PEX3: variants seen among roughly 807,000 people sequenced by gnomAD.
PEX3 encodes the protein peroxin-3.
Under a neutral mutation model 55.8 loss-of-function variants are expected in PEX3, and 30 were observed. That is an observed-to-expected ratio of 0.54 (90% CI 0.40 to 0.73). The LOEUF is 0.73. Ranked by LOEUF, PEX3 falls within the 30% of genes least tolerant of loss-of-function variation. The probability of loss-of-function intolerance (pLI) is 0.00; values close to 1 mark genes in which losing one functional copy is unlikely to be tolerated. For missense variants in PEX3, 351 were observed against 432.8 expected, an observed-to-expected ratio of 0.81 and a Z score of 1.68; for synonymous variants, 135 against 148.4, an observed-to-expected ratio of 0.91 and a Z score of 0.66.
At chr6:143,457,468 T>C (rs983433338) in intron 1 of PEX3, among the ~76,000 whole-genome samples, 1 of 152,228 alleles carries the variant, frequency 6.6e-6, no homozygotes, top group African/African-American at 2.4e-5. Context: ...TTTAAGAATA[T>C]GTAATATCTT....
chr6:143,472,208 A>G lies in PEX3; in HGVS notation c.627A>G (p.Leu209=), dbSNP rs764739386. The part of the protein sequence containing the change: ...SLSLLDLEQK[L]KEIRNLVEQH... ...CCCTTTTGGACTTGGAGCAAAAACT[A>G]AAAGAAATCAGAAATCTCGTTGAGC... The change falls in exon 8 of 12, where the codon CTA becomes CTG. Residue 209 remains leucine (L), a synonymous_variant. Coordinates refer to ENST00000367591, the MANE Select transcript of PEX3 (RefSeq NM_003630.3). 1.9e-5 allele frequency: 31 copies of G among 1,610,086 alleles called. No individual in the cohort carries two copies. The highest frequency in any genetic ancestry group is 2.6e-5 in the Non-Finnish European group (31 of 1,176,640).
rs2128746354 is a variant in PEX3, at chr6:143,468,185, G to A, written c.331+20G>A. The A allele has an allele frequency of 6.5e-7, 1 of 1,534,002 alleles. No homozygotes were observed. The highest frequency in any genetic ancestry group is 1.7e-4 in the Middle Eastern group (1 of 5,886). On this transcript the variant is annotated intron_variant, in intron 4 of 11. Coordinates refer to ENST00000367591, the MANE Select transcript of PEX3 (RefSeq NM_003630.3). ...TAATAAGTAAGCCTGCATATTCTGT[G>A]TGACAGCACATCCTTAAAATATTTA...
chr6:143,488,192 G>A lies in PEX3; in HGVS notation c.1039-951G>A, dbSNP rs1056661849. On this transcript the variant is annotated intron_variant, in intron 11 of 11. Transcript: ENST00000367591. This position sits in a 1 kb window ranked among gnomAD's most constrained non-coding sequence, Gnocchi z 4.9. ...TGTCTAAACCTCACTTGGATTTTCC[G>A]ATACTTAAGAAACAGAGATCACTAG... is the stretch of plus-strand genomic sequence containing the variant. Among the ~76,000 whole-genome samples, 35 of 152,022 alleles carry A rather than the reference G, an allele frequency of 2.3e-4. No homozygotes were observed. The highest frequency in any genetic ancestry group is 7.7e-4 in the African/African-American group (32 of 41,498).
At position 143,450,949 on chromosome 6, in the gene PEX3, T is replaced by C. The variant is rs1214423648; in HGVS notation, c.-94T>C. Reference sequence around the variant, plus strand: ...AGAGCACAGAACGGGACGACGGCGCTCTTGCTGGGTCATCTGGGCCAGGTG... The same window carrying C: ...AGAGCACAGAACGGGACGACGGCGCCCTTGCTGGGTCATCTGGGCCAGGTG... On this transcript the variant is annotated 5_prime_UTR_variant, in exon 1 of 12. Transcript: ENST00000367591. The C allele has an allele frequency of 1.0e-6, 1 of 955,302 alleles. No homozygotes were observed. The highest frequency in any genetic ancestry group is 1.7e-6 in the Non-Finnish European group (1 of 578,026). 59.2% of individuals were successfully genotyped at this position (955,302 alleles called of 1,614,324 possible).
At chr6:143,474,328 G>C (rs746831249) in intron 8 of PEX3, among the ~76,000 whole-genome samples, 10 of 151,566 alleles carry the variant, frequency 6.6e-5, no homozygotes, top group Non-Finnish European at 1.3e-4. Flanking sequence ...TCGTGGTGGC[G>C]CACGCTTGTA....
In PEX3 at chr6:143,463,862, G is replaced by T. The variant is rs1779956194; in HGVS notation, c.287+865G>T. On this transcript the variant is annotated intron_variant, in intron 3 of 11. Transcript: ENST00000367591. This position sits in a 1 kb window ranked among gnomAD's most constrained non-coding sequence, Gnocchi z 5.7. The stretch of plus-strand genomic sequence containing the variant: ...GGCGGTTACTATTATTCATTTTGCA[G>T]TAGGAATTGAGTGCTCAGACAGGCT... Among the ~76,000 whole-genome samples the T allele has an allele frequency of 6.6e-6, 1 of 152,100 alleles. No individual in the cohort carries two copies. Among genetic ancestry groups the T allele is most frequent in the African/African-American group, 2.4e-5 (1 of 41,414 alleles).
rs1779889934 is a variant in PEX3, at chr6:143,459,424, A to G, written c.205+208A>G. On this transcript the variant is annotated intron_variant, in intron 2 of 11. Transcript: ENST00000367591. The surrounding 1 kb of genome is among the most constrained non-coding windows in gnomAD (Gnocchi z 4.2). ...ATTTATTCATTTAGCAAATACTTGT[A>G]TCCAGGCCTGGGGAAGCAGGAAGTG... Among the ~76,000 whole-genome samples, 2 of 152,240 alleles carry G rather than the reference A, an allele frequency of 1.3e-5. No homozygotes were observed. Among genetic ancestry groups the G allele is most frequent in the Non-Finnish European group, 2.9e-5 (2 of 68,038 alleles).
chr6:143,452,828 C>T (rs1214643784), intron 1 of PEX3, among the ~76,000 whole-genome samples: 3 of 152,048 alleles, frequency 2.0e-5, no homozygotes, highest in Non-Finnish European at 4.4e-5. Context: ...CTATCAAGTG[C>T]CTGTAATGCT....
chr6:143,470,748 T>C (rs113622012), intron 4 of PEX3, among the ~76,000 whole-genome samples: 10 of 152,358 alleles, frequency 6.6e-5, no homozygotes, highest in African/African-American at 1.4e-4. Context: ...TATATTTCAT[T>C]GGTTATTGTT....
chr6:143,453,825 G>A lies in PEX3; in HGVS notation c.73+2710G>A, dbSNP rs1779808215. ...ACTCCTGGCCTCAAGCAATCGTCCT[G>A]CCTCAGCCTCCTAAAGTGCTGGAAT... On this transcript the variant is annotated intron_variant, in intron 1 of 11. Transcript: ENST00000367591. The surrounding 1 kb of genome is among the most constrained non-coding windows in gnomAD (Gnocchi z 4.6). Among the ~76,000 whole-genome samples the A allele has an allele frequency of 6.6e-6, 1 of 152,052 alleles. No homozygotes were observed. The highest frequency in any genetic ancestry group is 2.1e-4 in the South Asian group (1 of 4,816).
At chr6:143,468,056 A>C in intron 3 of PEX3, 66 bp from the exon 4 acceptor site, 1 of 878,188 alleles carries the variant, frequency 1.1e-6, no homozygotes, top group South Asian at 1.6e-5. Context: ...TAGATCTATA[A>C]AATTCAGAGT....
rs148886418 is a variant in PEX3 at position 143,486,123 on chromosome 6, A to G, written c.1038+875A>G. ...TGTCATCAGCCTGTCCTTCACATGC[A>G]CATTTTCCCACACTGGACTCTTCAG... On this transcript the variant is annotated intron_variant, in intron 11 of 11. Transcript: ENST00000367591. This position sits in a 1 kb window ranked among gnomAD's most constrained non-coding sequence, Gnocchi z 5.0. 1.2e-3 allele frequency among the ~76,000 whole-genome samples: 183 copies of G among 152,232 alleles called. 1 individual carries two copies. Among genetic ancestry groups the G allele is most frequent in the African/African-American group, 4.2e-3 (176 of 41,560 alleles).
In PEX3 at chr6:143,462,584, G is replaced by GA. The variant is rs1039675056; in HGVS notation, c.206-324dup. ...TAAAAAATTTGGAGAGTATGGAAAA[G>GA]AAAAAAAAGGAATTGTTCATAATCC... On this transcript the variant is annotated intron_variant, in intron 2 of 11. Coordinates refer to ENST00000367591, the MANE Select transcript of PEX3 (RefSeq NM_003630.3). This position sits in a 1 kb window ranked among gnomAD's most constrained non-coding sequence, Gnocchi z 4.1. 6.6e-6 allele frequency among the ~76,000 whole-genome samples: 1 copy of GA among 151,680 alleles called. No homozygotes were observed. The highest frequency in any genetic ancestry group is 2.4e-5 in the African/African-American group (1 of 41,424).
rs188674284 is a variant in PEX3 at position 143,460,789 on chromosome 6, G to A, written c.205+1573G>A. ...TGAGGCAGGAGAATCACTTGAACCT[G>A]TTAGGTGGAGGTTGCGGTGAGCTGA... On this transcript the variant is annotated intron_variant, in intron 2 of 11. Coordinates refer to ENST00000367591, the MANE Select transcript of PEX3 (RefSeq NM_003630.3). Among the ~76,000 whole-genome samples, 617 of 149,388 alleles carry A rather than the reference G, an allele frequency of 4.1e-3. 5 individuals are homozygous for A. The highest frequency in any genetic ancestry group is 7.5e-3 in the Admixed American group (111 of 14,810).
rs1361683527 is a variant in PEX3 at position 143,476,297 on chromosome 6, G to A, written c.818+1441G>A. 1.3e-5 allele frequency among the ~76,000 whole-genome samples: 2 copies of A among 152,214 alleles called. No individual in the cohort carries two copies. The highest frequency in any genetic ancestry group is 2.9e-5 in the Non-Finnish European group (2 of 68,046). On this transcript the variant is annotated intron_variant, in intron 9 of 11. Coordinates refer to ENST00000367591, the MANE Select transcript of PEX3 (RefSeq NM_003630.3). The surrounding 1 kb of genome is among the most constrained non-coding windows in gnomAD (Gnocchi z 5.4). ...CACAGTGAATGAGAAAAGTAATAGG[G>A]AAGTGAGATTGGAGAGATAGATGGA...
chr6:143,474,759 C>T, intron 8 of PEX3, 27 bp from the exon 9 acceptor site: 4 of 1,261,840 alleles, frequency 3.2e-6, no homozygotes, highest in Non-Finnish European at 4.7e-6. Context: ...GTTTGAAAAC[C>T]TTAAGTGTGA....
intron 9 of PEX3, among the ~76,000 whole-genome samples, chr6:143,477,139 G>T (rs1780164302): frequency 6.6e-6 from 1 of 152,152 alleles, no homozygotes; most frequent in African/African-American, 2.4e-5. Context: ...GAGCAGTGGA[G>T]ATAAGCTAAT....
intron 2 of PEX3, among the ~76,000 whole-genome samples, chr6:143,460,303 C>T (rs779426918): frequency 1.8e-4 from 27 of 152,020 alleles, no homozygotes; most frequent in Non-Finnish European, 3.4e-4. Context: ...AGAAAAATAC[C>T]TTCATTCTGC....
chr6:143,462,672 G>A lies in PEX3; in HGVS notation c.206-244G>A, dbSNP rs1779938654. On this transcript the variant is annotated intron_variant, in intron 2 of 11. Coordinates refer to ENST00000367591, the MANE Select transcript of PEX3 (RefSeq NM_003630.3). This position sits in a 1 kb window ranked among gnomAD's most constrained non-coding sequence, Gnocchi z 4.1. ...ATTCTTTCTATTGTTTCTTCTGTGT[G>A]TACTTGTGTTGCTGTGATCATAATG... is the stretch of plus-strand genomic sequence containing the variant. 6.6e-6 allele frequency among the ~76,000 whole-genome samples: 1 copy of A among 152,134 alleles called. No homozygotes were observed. The highest frequency in any genetic ancestry group is 2.4e-5 in the African/African-American group (1 of 41,430).
Sources: gnomAD v4.1 joint callset for allele counts (sites outside exome capture counted in the v4.1 genomes callset) on GRCh38, gnomAD v4.1.1 for gene constraint, Gnocchi (gnomAD v3.1) non-coding constraint, MANE v1.5 for transcripts, NCBI Gene and HGNC (gene_info 2026-07-23, HGNC 2026-07-21) for gene names.